OR1J2: variants seen among roughly 807,000 people sequenced by gnomAD.
OR1J2 encodes the protein olfactory receptor family 1 subfamily J member 2.
For synonymous variants in OR1J2, 142 were observed against 99.7 expected (o/e 1.42, Z -2.52); for missense variants, 304 against 246.1 (o/e 1.24, Z -1.57).
At chr9:122,561,203 T>C in the OR1J2 span, among the ~76,000 whole-genome samples, 1 of 152,210 alleles carries the variant, frequency 6.6e-6, no homozygotes, top group Non-Finnish European at 1.5e-5. Context: ...CATTCCATCA[T>C]TTATGTTCCT....
chr9:122,566,348 G>T, the OR1J2 span, among the ~76,000 whole-genome samples: 24 of 152,252 alleles, frequency 1.6e-4, no homozygotes, highest in African/African-American at 5.1e-4. Context: ...CATTACAACT[G>T]TGTATAAAGA....
chr9:122,500,658 C>T, the OR1J2 span, among the ~76,000 whole-genome samples: 1,026 of 152,154 alleles, frequency 6.7e-3, 12 homozygotes, highest in African/African-American at 0.024. Flanking sequence ...GCTGTTATGA[C>T]GGTGAATGGT....
chr9:122,537,319 T>C, the OR1J2 span, among the ~76,000 whole-genome samples: 1 of 152,196 alleles, frequency 6.6e-6, no homozygotes, highest in Admixed American at 6.5e-5. Context: ...AAGTCATGAG[T>C]TGATTTTTAA....
At chr9:122,579,561 G>C in the OR1J2 span, among the ~76,000 whole-genome samples, 2 of 152,002 alleles carry the variant, frequency 1.3e-5, no homozygotes, top group Non-Finnish European at 2.9e-5. Context: ...TATAAGTGAG[G>C]GCTTCTTAGA....
At chr9:122,492,692 T>A in the OR1J2 span, among the ~76,000 whole-genome samples, 4 of 152,048 alleles carry the variant, frequency 2.6e-5, no homozygotes, top group African/African-American at 9.7e-5. Flanking sequence ...CTTTACTGAT[T>A]TTACTATTTG....
the OR1J2 span, among the ~76,000 whole-genome samples, chr9:122,577,081 C>T: frequency 6.6e-6 from 1 of 152,116 alleles, no homozygotes; most frequent in Non-Finnish European, 1.5e-5. Context: ...CTTTCTACTG[C>T]TGCTAGTAGT....
chr9:122,542,492 A>G, the OR1J2 span, among the ~76,000 whole-genome samples: 1 of 152,176 alleles, frequency 6.6e-6, no homozygotes, highest in Non-Finnish European at 1.5e-5. Context: ...CAGAACTAGT[A>G]GTTTCAGTCT....
chr9:122,548,589 T>TTATATATATATATATATA, the OR1J2 span, among the ~76,000 whole-genome samples: 3 of 151,176 alleles, frequency 2.0e-5, no homozygotes, highest in Non-Finnish European at 4.4e-5. Context: ...TTTAAAATTT[T>TTATATATATATATATATA]TATATATATA....
the OR1J2 span, among the ~76,000 whole-genome samples, chr9:122,541,496 T>C: frequency 6.6e-6 from 1 of 152,210 alleles, no homozygotes; most frequent in Non-Finnish European, 1.5e-5. Context: ...TTGGGAGATT[T>C]ACTTTCTGAA....
the OR1J2 span, among the ~76,000 whole-genome samples, chr9:122,565,998 T>G: frequency 1.3e-5 from 2 of 152,284 alleles, no homozygotes; most frequent in East Asian, 3.9e-4. Flanking sequence ...GTTAGGGATC[T>G]ATGGAGTATG....
the OR1J2 span, chr9:122,526,329 CTT>C: frequency 2.2e-5 from 30 of 1,378,986 alleles, no homozygotes; most frequent in Middle Eastern, 5.6e-4. Context: ...AAGCCTATGT[CTT>C]TTCATTAAAT....
the OR1J2 span, among the ~76,000 whole-genome samples, chr9:122,470,758 A>G: frequency 3.3e-5 from 5 of 152,288 alleles, no homozygotes; most frequent in South Asian, 8.3e-4. Context: ...GCCCAAGACT[A>G]TGGGAACCCA....
At chr9:122,521,779 C>T in the OR1J2 span, among the ~76,000 whole-genome samples, 1 of 152,194 alleles carries the variant, frequency 6.6e-6, no homozygotes, top group African/African-American at 2.4e-5. Context: ...CTCAGTTTCC[C>T]TGCCGGCACC....
chr9:122,540,684 T>C, the OR1J2 span, among the ~76,000 whole-genome samples: 3 of 152,214 alleles, frequency 2.0e-5, no homozygotes, highest in Non-Finnish European at 2.9e-5. Flanking sequence ...GGGATGGCAT[T>C]GAATCTATAA....
chr9:122,447,468 G>A, the OR1J2 span: 1 of 152,256 alleles, frequency 6.6e-6, no homozygotes, highest in Non-Finnish European at 1.5e-5. Flanking sequence ...CTTCTATGGA[G>A]CACCTCTGTC....
At chr9:122,515,631 C>T (rs1194553194), downstream of OR1J2, among the ~76,000 whole-genome samples, 1 of 152,158 alleles carries the variant, frequency 6.6e-6, no homozygotes, top group Non-Finnish European at 1.5e-5. Flanking sequence ...GGCTTATTTA[C>T]TGCATACAGT....
the OR1J2 span, among the ~76,000 whole-genome samples, chr9:122,498,531 G>T: frequency 1.3e-5 from 2 of 152,186 alleles, no homozygotes; most frequent in South Asian, 4.2e-4. Flanking sequence ...TCATTTCCTG[G>T]ATAGCTTTAG....
At chr9:122,477,095 A>G in the OR1J2 span, 16 of 1,613,290 alleles carry the variant, frequency 9.9e-6, no homozygotes, top group South Asian at 3.3e-5. Context: ...ACTGCTGTGT[A>G]TATCACTGAA....
the OR1J2 span, among the ~76,000 whole-genome samples, chr9:122,449,983 G>A: frequency 6.6e-6 from 1 of 151,852 alleles, no homozygotes; most frequent in Non-Finnish European, 1.5e-5. Flanking sequence ...TATGTTCCTT[G>A]GGCATTTAAA....
Sources: gnomAD v4.1 joint callset for allele counts (sites outside exome capture counted in the v4.1 genomes callset) on GRCh38, gnomAD v4.1.1 for gene constraint, MANE v1.5 for transcripts, NCBI Gene and HGNC (gene_info 2026-07-23, HGNC 2026-07-21) for gene names.